Variants in ARB2A observed in about 807,000 individuals in gnomAD.
ARB2A encodes cotranscriptional regulator ARB2A.
chr5:93,924,976 G>A, the ARB2A span, among the ~76,000 whole-genome samples: 149 of 151,898 alleles, frequency 9.8e-4, no homozygotes, highest in Admixed American at 4.3e-3. Context: ...ATGTAAAATC[G>A]CTCTGAATGT....
the ARB2A span, among the ~76,000 whole-genome samples, chr5:94,039,479 T>C: frequency 6.6e-6 from 1 of 152,048 alleles, no homozygotes; most frequent in Non-Finnish European, 1.5e-5. Flanking sequence ...CATGGCAACA[T>C]CAGGAAGTTA....
At chr5:93,779,729 G>A in the ARB2A span, among the ~76,000 whole-genome samples, 1 of 152,134 alleles carries the variant, frequency 6.6e-6, no homozygotes, top group African/African-American at 2.4e-5. Context: ...AGGAAAAAGA[G>A]AAAAATAGGT....
At chr5:93,660,378 A>C in the ARB2A span, among the ~76,000 whole-genome samples, 1 of 152,154 alleles carries the variant, frequency 6.6e-6, no homozygotes, top group Non-Finnish European at 1.5e-5. Context: ...TAACTTTAGA[A>C]GAAGAAATGA....
the ARB2A span, among the ~76,000 whole-genome samples, chr5:94,051,636 G>A: frequency 6.6e-6 from 1 of 152,112 alleles, no homozygotes; most frequent in African/African-American, 2.4e-5. Context: ...GATGCATACA[G>A]GTAACCTCAC....
chr5:93,712,060 T>C, the ARB2A span, among the ~76,000 whole-genome samples: 1 of 152,172 alleles, frequency 6.6e-6, no homozygotes, highest in Non-Finnish European at 1.5e-5. Context: ...AGTCCCAGGA[T>C]AGCCTGGTAG....
the ARB2A span, among the ~76,000 whole-genome samples, chr5:93,711,829 C>A: frequency 1.3e-5 from 2 of 152,194 alleles, no homozygotes; most frequent in African/African-American, 2.4e-5. Flanking sequence ...GAAACCCATG[C>A]CCAATCATGT....
chr5:93,840,092 G>A, the ARB2A span, among the ~76,000 whole-genome samples: 5 of 152,012 alleles, frequency 3.3e-5, no homozygotes, highest in African/African-American at 9.7e-5. Flanking sequence ...AGTTCCTTGA[G>A]GTTAGGTTAA....
At chr5:93,770,643 A>G in the ARB2A span, among the ~76,000 whole-genome samples, 1 of 152,194 alleles carries the variant, frequency 6.6e-6, no homozygotes, top group Non-Finnish European at 1.5e-5. Flanking sequence ...AAAAATCTCA[A>G]GCATTCTTAT....
At chr5:93,906,813 G>C in the ARB2A span, among the ~76,000 whole-genome samples, 1 of 151,356 alleles carries the variant, frequency 6.6e-6, no homozygotes, top group Non-Finnish European at 1.5e-5. Context: ...TAGTAAGCCA[G>C]GAATCGGAGC....
At chr5:94,007,017 A>G in the ARB2A span, among the ~76,000 whole-genome samples, 1 of 152,160 alleles carries the variant, frequency 6.6e-6, no homozygotes, top group Non-Finnish European at 1.5e-5. Flanking sequence ...TTATTGTTCT[A>G]TTTTCTTGCC....
At chr5:93,998,330 T>C in the ARB2A span, among the ~76,000 whole-genome samples, 133 of 152,134 alleles carry the variant, frequency 8.7e-4, no homozygotes, top group African/African-American at 3.1e-3. Flanking sequence ...CTATTCGTAA[T>C]AGAATTTATC....
At chr5:93,640,672 A>G in the ARB2A span, among the ~76,000 whole-genome samples, 3 of 150,304 alleles carry the variant, frequency 2.0e-5, no homozygotes, top group African/African-American at 7.5e-5. Context: ...ACACACATAT[A>G]TATATTTGGC....
the ARB2A span, among the ~76,000 whole-genome samples, chr5:93,657,344 T>C: frequency 6.6e-6 from 1 of 152,222 alleles, no homozygotes; most frequent in Admixed American, 6.5e-5. Flanking sequence ...GCAAGCTGGA[T>C]AGTAAGTTCC....
the ARB2A span, among the ~76,000 whole-genome samples, chr5:93,760,988 T>C: frequency 6.6e-6 from 1 of 152,138 alleles, no homozygotes; most frequent in Non-Finnish European, 1.5e-5. Context: ...GATAAAATCT[T>C]CACAATCTAT....
chr5:93,620,751 T>A, the ARB2A span: 4 of 424,220 alleles, frequency 9.4e-6, no homozygotes, highest in Non-Finnish European at 1.2e-5. Flanking sequence ...GAGCGCTGAC[T>A]GGCAGCGCTC....
At chr5:93,964,046 G>A in the ARB2A span, among the ~76,000 whole-genome samples, 1 of 151,964 alleles carries the variant, frequency 6.6e-6, no homozygotes, top group Non-Finnish European at 1.5e-5. Flanking sequence ...AACATACTAT[G>A]TGTAGAAATA....
chr5:93,926,803 A>G, the ARB2A span, among the ~76,000 whole-genome samples: 1 of 151,768 alleles, frequency 6.6e-6, no homozygotes, highest in Non-Finnish European at 1.5e-5. Flanking sequence ...ATGCAAGTGA[A>G]TTCTATTAGC....
chr5:93,816,830 T>C, the ARB2A span, among the ~76,000 whole-genome samples: 1 of 151,986 alleles, frequency 6.6e-6, no homozygotes, highest in Non-Finnish European at 1.5e-5. Flanking sequence ...ATGAAAACAA[T>C]CACAACTAAT....
At chr5:93,834,566 A>G in the ARB2A span, among the ~76,000 whole-genome samples, 4 of 152,184 alleles carry the variant, frequency 2.6e-5, no homozygotes, top group South Asian at 8.3e-4. Context: ...CTAGATTCCC[A>G]TCATTTTTGG....
Sources: gnomAD v4.1 joint callset for allele counts (sites outside exome capture counted in the v4.1 genomes callset) on GRCh38, gnomAD v4.1.1 for gene constraint, MANE v1.5 for transcripts, NCBI Gene and HGNC (gene_info 2026-07-23, HGNC 2026-07-21) for gene names.